Variants in SAMD4A observed in about 807,000 individuals in gnomAD.
The protein encoded by SAMD4A is sterile alpha motif domain containing 4A.
Under a neutral mutation model 81.3 loss-of-function variants are expected in SAMD4A, and 33 were observed. The observed-to-expected ratio is 0.41, with a 90% CI of 0.31 to 0.54. The LOEUF (loss-of-function observed/expected upper bound fraction) is 0.54. Ranked by LOEUF, SAMD4A falls within the 20% of genes least tolerant of loss-of-function variation. The pLI, the probability that SAMD4A is intolerant of heterozygous loss-of-function variation, is 0.37. For missense variants in SAMD4A, 854 were observed against 951.1 expected (o/e 0.90, Z 1.34); for synonymous variants, 389 against 382.1 (o/e 1.02, Z -0.21).
At chr14:54,710,594 C>A (rs1294622451) in intron 3 of SAMD4A, among the ~76,000 whole-genome samples, 1 of 152,150 alleles carries the variant, frequency 6.6e-6, no homozygotes, top group Non-Finnish European at 1.5e-5. Context: ...AGCTAGTAGA[C>A]TCTTGCTTTT....
At chr14:54,722,921 C>CT (rs1448891498) in intron 3 of SAMD4A, among the ~76,000 whole-genome samples, 3 of 152,162 alleles carry the variant, frequency 2.0e-5, no homozygotes, top group Admixed American at 6.5e-5. Context: ...ACAACTTCTA[C>CT]TTTCAATAAA....
intron 11 of SAMD4A, chr14:54,784,328 G>C: frequency 6.5e-7 from 1 of 1,548,838 alleles, no homozygotes; most frequent in Non-Finnish European, 8.7e-7. Context: ...TTTAGTCTCC[G>C]TTTTGTTCCA....
Position 54,789,112 on chromosome 14 carries a change from A to C in SAMD4A, c.*168A>C. 1.4e-6 allele frequency: 1 copy of C among 692,312 alleles called. No homozygotes were observed. The highest frequency in any genetic ancestry group is 2.5e-6 in the Non-Finnish European group (1 of 393,630). 42.9% of individuals were successfully genotyped at this position (692,312 alleles called of 1,614,324 possible). On this transcript the variant is annotated 3_prime_UTR_variant, in exon 13 of 13. Coordinates refer to ENST00000554335, the MANE Select transcript of SAMD4A (RefSeq NM_015589.6). ...GAGAGCGTAGGTCATCCTCGTAAAC[A>C]TATCAGTAGACCTGGGGTTGGTTAT...
At position 54,594,046 on chromosome 14, in the gene SAMD4A, T is replaced by C. The variant is rs1286233943; in HGVS notation, c.196+25934T>C. On this transcript the variant is annotated intron_variant, in intron 2 of 12. Transcript: ENST00000554335. ...TACCTACCTACTCTAAGAAAATGTCTTTGTTTCTTCTGTTGCAGAAGTAAA... is the reference window on the plus strand; with the variant it reads ...TACCTACCTACTCTAAGAAAATGTCCTTGTTTCTTCTGTTGCAGAAGTAAA... Among the ~76,000 whole-genome samples, 3 of 152,196 alleles carry C rather than the reference T, an allele frequency of 2.0e-5. No individual in the cohort carries two copies. The East Asian group carries it at 5.8e-4, about 29-fold the overall frequency.
At chr14:54,683,978 C>G (rs1171369427) in intron 2 of SAMD4A, among the ~76,000 whole-genome samples, 1 of 152,122 alleles carries the variant, frequency 6.6e-6, no homozygotes, top group Non-Finnish European at 1.5e-5. Context: ...ATTACTGGCT[C>G]AGATATTAAT....
chr14:54,712,689 C>A (rs1455547197), intron 3 of SAMD4A, among the ~76,000 whole-genome samples: 1 of 152,138 alleles, frequency 6.6e-6, no homozygotes, highest in East Asian at 1.9e-4. Context: ...GAGAAGCCTG[C>A]TAGTTGATCA....
intron 4 of SAMD4A, among the ~76,000 whole-genome samples, chr14:54,745,235 A>C (rs557962230): frequency 2.6e-5 from 4 of 152,098 alleles, no homozygotes; most frequent in Non-Finnish European, 5.9e-5. Flanking sequence ...CTCACCACCC[A>C]CAAGATGAAG....
At chr14:54,720,177 C>A (rs1235192467) in intron 3 of SAMD4A, among the ~76,000 whole-genome samples, 1 of 152,080 alleles carries the variant, frequency 6.6e-6, no homozygotes, top group African/African-American at 2.4e-5. Flanking sequence ...TCCGAGAGTT[C>A]TTTTTTGTCT....
chr14:54,761,090 C>T (rs1440482174), intron 7 of SAMD4A, among the ~76,000 whole-genome samples: 1 of 152,216 alleles, frequency 6.6e-6, no homozygotes, highest in African/African-American at 2.4e-5. Flanking sequence ...CTCTTCACGG[C>T]TGGCCTGCCA....
At chr14:54,736,345 G>T (rs762271436) in intron 3 of SAMD4A, among the ~76,000 whole-genome samples, 17 of 152,170 alleles carry the variant, frequency 1.1e-4, no homozygotes, top group Admixed American at 3.9e-4. Flanking sequence ...ACAAAGTTTG[G>T]CATTAACCTG....
chr14:54,629,076 C>T (rs770937564), intron 2 of SAMD4A, among the ~76,000 whole-genome samples: 1 of 112,760 alleles, frequency 8.9e-6, no homozygotes, highest in Admixed American at 9.6e-5. Flanking sequence ...GATGGTGGGC[C>T]CTAATCCAAT....
chr14:54,684,508 C>G (rs561456936), intron 2 of SAMD4A, among the ~76,000 whole-genome samples: 31 of 152,358 alleles, frequency 2.0e-4, no homozygotes, highest in African/African-American at 7.0e-4. Flanking sequence ...CCTCCCATCC[C>G]TGCCCTGCAC....
At chr14:54,669,452 T>C (rs1031884578) in intron 2 of SAMD4A, among the ~76,000 whole-genome samples, 1 of 146,182 alleles carries the variant, frequency 6.8e-6, no homozygotes, top group Non-Finnish European at 1.5e-5. Flanking sequence ...TTTCTTTTTT[T>C]TTTTTTTTTT....
intron 3 of SAMD4A, among the ~76,000 whole-genome samples, chr14:54,710,748 G>A (rs990197858): frequency 2.0e-5 from 3 of 152,240 alleles, no homozygotes; most frequent in Middle Eastern, 3.4e-3. Context: ...ACACAACTCG[G>A]TGTCAGCTCT....
intron 2 of SAMD4A, among the ~76,000 whole-genome samples, chr14:54,626,294 G>A (rs1179257724): frequency 6.6e-6 from 1 of 152,024 alleles, no homozygotes; most frequent in Non-Finnish European, 1.5e-5. Flanking sequence ...TTTCTTTCAG[G>A]CTAATCTATA....
chr14:54,669,394 C>G (rs894935983), intron 2 of SAMD4A, among the ~76,000 whole-genome samples: 1 of 150,614 alleles, frequency 6.6e-6, no homozygotes, highest in Admixed American at 6.6e-5. Context: ...CTGAAACAAG[C>G]TGATAAAGAA....
intron 2 of SAMD4A, among the ~76,000 whole-genome samples, chr14:54,582,247 T>G (rs549024225): frequency 6.8e-5 from 9 of 132,604 alleles, no homozygotes; most frequent in African/African-American, 2.9e-4. Flanking sequence ...GCTGCTGCTG[T>G]TTTTTTTTTA....
Position 54,761,987 on chromosome 14 carries a change from A to T in SAMD4A, c.1510+1493A>T, listed in dbSNP as rs945863958. ...ACCCTGCTTTTGTAGCACAGTGCTT[A>T]CAGTAGATGCCTCATAAGTAGGCGG... On this transcript the variant is annotated intron_variant, in intron 7 of 12. Transcript: ENST00000554335. 3.3e-5 allele frequency among the ~76,000 whole-genome samples: 5 copies of T among 152,210 alleles called. No individual in the cohort carries two copies. In the South Asian group the frequency reaches 1.0e-3, roughly 32 times the overall value.
intron 11 of SAMD4A, among the ~76,000 whole-genome samples, chr14:54,779,742 G>A (rs185769058): frequency 5.3e-5 from 8 of 150,308 alleles, no homozygotes; most frequent in East Asian, 2.0e-4. Context: ...GTACAGTGGC[G>A]CAATCTCAGC....
Sources: allele counts gnomAD v4.1 joint callset (sites outside exome capture counted in the v4.1 genomes callset), GRCh38; gene constraint gnomAD v4.1.1; transcripts MANE v1.5; gene names NCBI Gene and HGNC (gene_info 2026-07-23, HGNC 2026-07-21).